C2CD4D: variants seen among roughly 807,000 people sequenced by gnomAD.
C2CD4D encodes the protein C2 calcium-dependent domain-containing protein 4D.
C2CD4D carries 1 observed loss-of-function variant against 0.2 expected under a neutral mutation model. The observed-to-expected ratio is 4.00, with a 90% confidence interval of 1.42 to 18.99. C2CD4D has a LOEUF of 18.99. C2CD4D is among the 30% of genes most tolerant of loss of function. The probability of loss-of-function intolerance (pLI) is 0.11; values close to 1 mark genes in which losing one functional copy is unlikely to be tolerated. For synonymous variants in C2CD4D, 269 were observed against 279.8 expected (o/e 0.96, Z 0.39); for missense variants, 552 against 551.2 (o/e 1.00, Z -0.01).
chr1:151,839,064 T>A, exon 2 of C2CD4D: 1 of 1,488,066 alleles, frequency 6.7e-7, no homozygotes, highest in South Asian at 1.2e-5. Flanking sequence ...ATGGGAGTGC[T>A]CGGCGGAGCG....
exon 2 of C2CD4D, chr1:151,839,056 G>T: frequency 6.6e-7 from 1 of 1,506,360 alleles, no homozygotes; most frequent in Non-Finnish European, 9.0e-7. Context: ...CGTCTCAGAT[G>T]GGAGTGCTCG....
rs994502193 is a variant in C2CD4D, at chr1:151,838,380, G to C, written c.610C>G (p.Leu204Val). 96 of 1,437,008 alleles carry C rather than the reference G, an allele frequency of 6.7e-5. No individual in the cohort carries two copies. In the East Asian group the frequency reaches 2.8e-3, roughly 42 times the overall value. 89.0% of individuals were successfully genotyped at this position (1,437,008 alleles called of 1,614,324 possible). Residue 204 changes from leucine to valine, a missense_variant, in exon 2 of 2, where the codon CTG becomes GTG. By Grantham distance (32) the Leu-to-Val change is conservative (BLOSUM62 1). Coordinates refer to ENST00000454109, the Ensembl canonical transcript of C2CD4D. ...AGCACGCTCTCGCGCGTGGGCCGCA[G>C]CTGGCAGCACAGGAAGTCCAGGTGG...
exon 2 of C2CD4D, chr1:151,838,006 G>A (rs1278294522): frequency 4.5e-6 from 7 of 1,551,014 alleles, no homozygotes; most frequent in African/African-American, 1.4e-5. Flanking sequence ...GCGCAATGAG[G>A]GGCGTCTCGC....
At chr1:151,839,310 A>C (rs1652707358) in intron 1 of C2CD4D, 90 bp from the exon 2 acceptor site, 2 of 403,816 alleles carry the variant, frequency 5.0e-6, no homozygotes, top group African/African-American at 4.2e-5. Flanking sequence ...TCCCACTGGT[A>C]CTAAAGATGC....
exon 2 of C2CD4D, chr1:151,839,090 C>G (rs1652693819): frequency 5.1e-6 from 7 of 1,362,620 alleles, no homozygotes; most frequent in Admixed American, 2.3e-5. Flanking sequence ...GGGCGAGGAG[C>G]GCAGAGGAGT....
At chr1:151,839,864 C>T (rs571275867) in intron 1 of C2CD4D, among the ~76,000 whole-genome samples, 44 bp from the exon 1 acceptor site, 1 of 152,340 alleles carries the variant, frequency 6.6e-6, no homozygotes, top group African/African-American at 2.4e-5. Flanking sequence ...CTACTCTCCA[C>T]TCCTTTTCTC....
intron 1 of C2CD4D, chr1:151,840,102 A>C (rs969662): frequency 1 from 151,922 of 152,450 alleles, 75,702 homozygotes; most frequent in Non-Finnish European, 1. Flanking sequence ...CAGGCCCTGA[A>C]ACTTTCAGAG....
exon 2 of C2CD4D, chr1:151,838,692 T>G: frequency 7.3e-7 from 1 of 1,374,302 alleles, no homozygotes; most frequent in Non-Finnish European, 9.4e-7. Flanking sequence ...CGCCGGCGCG[T>G]GTGCGGGCTC....
chr1:151,839,015 G>C (rs1572055130), exon 2 of C2CD4D: 1 of 1,547,402 alleles, frequency 6.5e-7, no homozygotes, highest in East Asian at 2.5e-5. Flanking sequence ...ATGGAATTCC[G>C]AATTCCGCAG....
At chr1:151,839,763 C>T (rs1348128947) in intron 1 of C2CD4D, among the ~76,000 whole-genome samples, 1 of 152,214 alleles carries the variant, frequency 6.6e-6, no homozygotes, top group Non-Finnish European at 1.5e-5. Flanking sequence ...GAATCCCACC[C>T]CCAGTAGCCC....
chr1:151,837,961 C>G, exon 2 of C2CD4D: 1 of 1,546,664 alleles, frequency 6.5e-7, no homozygotes, highest in South Asian at 1.2e-5. Flanking sequence ...CCAGGGATGA[C>G]CCGGGACCTA....
exon 2 of C2CD4D, chr1:151,839,116 C>G: frequency 9.3e-7 from 1 of 1,076,892 alleles, no homozygotes; most frequent in Non-Finnish European, 1.3e-6. Flanking sequence ...GTGAGTGATG[C>G]TGGCGTACAC....
intron 1 of C2CD4D, among the ~76,000 whole-genome samples, chr1:151,839,769 A>G (rs1341249824): frequency 6.6e-6 from 1 of 152,140 alleles, no homozygotes; most frequent in East Asian, 1.9e-4. Context: ...CACCCCCAGT[A>G]GCCCTGACCG....
exon 2 of C2CD4D, chr1:151,837,923 T>G: frequency 6.6e-7 from 1 of 1,514,884 alleles, no homozygotes; most frequent in Non-Finnish European, 8.9e-7. Flanking sequence ...AGCCAGGGGC[T>G]CAGGCTACAG....
chr1:151,839,355 A>G, intron 1 of C2CD4D, 135 bp from the exon 2 acceptor site: 1 of 271,760 alleles, frequency 3.7e-6, no homozygotes, highest in Non-Finnish European at 7.0e-6. Flanking sequence ...CCCATATAGT[A>G]TCCACCAGAA....
exon 2 of C2CD4D, chr1:151,839,155 CCGGACCCA>C: frequency 2.9e-6 from 2 of 691,346 alleles, no homozygotes; most frequent in South Asian, 4.1e-5. Context: ...GCCCCGGTCT[CCGGACCCA>C]CTGGGAGCGC....
At chr1:151,839,557 C>T (rs1446978256) in intron 1 of C2CD4D, among the ~76,000 whole-genome samples, 107 bp downstream of exon 1, 1 of 152,144 alleles carries the variant, frequency 6.6e-6, no homozygotes, top group Admixed American at 6.5e-5. Context: ...CAGGCTGCCC[C>T]GGCTCAAGCT....
exon 2 of C2CD4D, chr1:151,838,508 C>T: frequency 1.5e-6 from 2 of 1,371,898 alleles, no homozygotes; most frequent in Non-Finnish European, 1.9e-6. Context: ...GGACACCCGG[C>T]GCCGGCCCAG....
chr1:151,838,755 T>C, exon 2 of C2CD4D: 1 of 1,340,604 alleles, frequency 7.5e-7, no homozygotes, highest in Non-Finnish European at 9.5e-7. Context: ...AGCGAGCAGG[T>C]CGCGGGGAGG....
Sources: allele counts gnomAD v4.1 joint callset (sites outside exome capture counted in the v4.1 genomes callset), GRCh38; gene constraint gnomAD v4.1.1; transcripts MANE v1.5; gene names NCBI Gene and HGNC (gene_info 2026-07-23, HGNC 2026-07-21).